ZMYM2: variants seen among roughly 807,000 people sequenced by gnomAD.
ZMYM2 encodes the protein zinc finger MYM-type containing 2.
ZMYM2 carries 56 observed loss-of-function variants against 162.8 expected under a neutral mutation model. The observed-to-expected ratio is 0.34, with a 90% CI of 0.28 to 0.43. The LOEUF is 0.43. Among genes scored for constraint, ZMYM2 ranks in the 20% least tolerant of loss-of-function variants. The pLI, the probability that ZMYM2 is intolerant of heterozygous loss-of-function variation, is 1.00. For missense variants in ZMYM2, 1,275 were observed against 1,621.8 expected (o/e 0.79, Z 3.67); for synonymous variants, 510 against 541.6 (o/e 0.94, Z 0.81).
intron 12 of ZMYM2, among the ~76,000 whole-genome samples, chr13:20,043,954 G>A (rs1954523118): frequency 6.6e-6 from 1 of 152,020 alleles, no homozygotes; most frequent in Non-Finnish European, 1.5e-5. Context: ...CTATGATGGG[G>A]GCTTCTAGGA....
chr13:20,063,792 A>G lies in ZMYM2; in HGVS notation c.3038-659A>G, dbSNP rs1027751013. Among the ~76,000 whole-genome samples, 4 of 12,720 alleles carry G rather than the reference A, an allele frequency of 3.1e-4. No individual in the cohort carries two copies. The South Asian group carries it at 0.011, about 36-fold the overall frequency. 8.3% of individuals were successfully genotyped at this position (12,720 alleles called of 152,430 possible). On this transcript the variant is annotated intron_variant, in intron 18 of 24. Transcript: ENST00000610343. The stretch of plus-strand genomic sequence containing the variant: ...AAACTCTGTCTCAAAAAATATATAT[A>G]TATAAAAAATATATAATATATATAA...
At chr13:20,027,077 A>G in intron 8 of ZMYM2, 126 bp from the exon 9 acceptor site, 2 of 658,820 alleles carry the variant, frequency 3.0e-6, no homozygotes, top group Non-Finnish European at 2.4e-6. Context: ...CATAATCTTC[A>G]GTATTGAAGG....
At chr13:19,882,576 G>C in the ZMYM2 span, among the ~76,000 whole-genome samples, 4 of 152,032 alleles carry the variant, frequency 2.6e-5, no homozygotes, top group Non-Finnish European at 5.9e-5. Context: ...GTGAGACCCA[G>C]TCTCTACCAA....
the ZMYM2 span, among the ~76,000 whole-genome samples, chr13:19,931,235 G>T: frequency 6.6e-6 from 1 of 151,372 alleles, no homozygotes; most frequent in South Asian, 2.1e-4. Context: ...TATTGATTTG[G>T]GCTCTTATTT....
the ZMYM2 span, among the ~76,000 whole-genome samples, chr13:19,924,214 T>C: frequency 6.6e-6 from 1 of 152,192 alleles, no homozygotes; most frequent in African/African-American, 2.4e-5. Flanking sequence ...ACCACTCCAC[T>C]TTCTCTTTCT....
intron 6 of ZMYM2, among the ~76,000 whole-genome samples, chr13:20,013,907 C>T (rs1216368735): frequency 1.3e-5 from 2 of 152,016 alleles, no homozygotes; most frequent in Admixed American, 6.6e-5. Flanking sequence ...ATGTCTTTAT[C>T]TGTCTTTCAA....
At chr13:19,892,261 A>C in the ZMYM2 span, among the ~76,000 whole-genome samples, 1 of 151,298 alleles carries the variant, frequency 6.6e-6, no homozygotes, top group African/African-American at 2.4e-5. Flanking sequence ...TGATTTATTT[A>C]TTTTTATTTA....
intron 12 of ZMYM2, among the ~76,000 whole-genome samples, chr13:20,048,845 T>C (rs1317566578): frequency 4.0e-5 from 6 of 151,762 alleles, no homozygotes; most frequent in African/African-American, 1.4e-4. Context: ...TTTGCTATCC[T>C]TGATTTCACA....
At chr13:19,989,631 A>G (rs1949445539) in intron 2 of ZMYM2, among the ~76,000 whole-genome samples, 3 of 152,208 alleles carry the variant, frequency 2.0e-5, no homozygotes, top group African/African-American at 7.2e-5. Flanking sequence ...AGAATGGAAT[A>G]TCCCTTCAAC....
At chr13:19,954,621 A>G (rs1954476605), upstream of ZMYM2, among the ~76,000 whole-genome samples, 1 of 152,180 alleles carries the variant, frequency 6.6e-6, no homozygotes, top group African/African-American at 2.4e-5. Context: ...ATCATTCAGT[A>G]TAAGCAAATT....
chr13:20,024,181 C>T (rs1039847999), intron 7 of ZMYM2, among the ~76,000 whole-genome samples: 2 of 151,912 alleles, frequency 1.3e-5, no homozygotes, highest in African/African-American at 2.4e-5. Context: ...GATCTGCCCA[C>T]CTCAGCCTCC....
chr13:20,044,256 A>G (rs953810377), intron 12 of ZMYM2, among the ~76,000 whole-genome samples: 6 of 152,136 alleles, frequency 3.9e-5, no homozygotes, highest in South Asian at 2.1e-4. Context: ...TTCCCTGCCA[A>G]CTCAAGTGTC....
chr13:19,952,868 C>T, the ZMYM2 span, among the ~76,000 whole-genome samples: 573 of 152,178 alleles, frequency 3.8e-3, 37 homozygotes, highest in East Asian at 0.093. Flanking sequence ...AATATTTGTC[C>T]CCTCCACAGC....
At chr13:19,966,841 T>A (rs1955834806) in intron 2 of ZMYM2, among the ~76,000 whole-genome samples, 1 of 152,242 alleles carries the variant, frequency 6.6e-6, no homozygotes, top group African/African-American at 2.4e-5. Context: ...ATAACTTTAC[T>A]ATGAATATTG....
chr13:19,911,483 A>G, the ZMYM2 span, among the ~76,000 whole-genome samples: 1 of 152,306 alleles, frequency 6.6e-6, no homozygotes, highest in African/African-American at 2.4e-5. Flanking sequence ...GCTTTCTTTT[A>G]GCCTTTCCCG....
chr13:19,915,466 A>G, the ZMYM2 span, among the ~76,000 whole-genome samples: 1 of 143,688 alleles, frequency 7.0e-6, no homozygotes, highest in Admixed American at 6.9e-5. Flanking sequence ...TCTTACTTTC[A>G]TGATGTTGGT....
At chr13:19,947,062 G>T in the ZMYM2 span, among the ~76,000 whole-genome samples, 1 of 150,736 alleles carries the variant, frequency 6.6e-6, no homozygotes, top group Non-Finnish European at 1.5e-5. Flanking sequence ...TTTATTTTGA[G>T]ACAGAGTCTC....
At chr13:20,019,759 G>A (rs960144432) in intron 7 of ZMYM2, 141 bp downstream of exon 7, 46 of 713,080 alleles carry the variant, frequency 6.5e-5, no homozygotes, top group Middle Eastern at 5.6e-4. Flanking sequence ...AATGATGAAT[G>A]TTTTATCTCT....
At chr13:19,966,646 G>A (rs1024137089) in intron 2 of ZMYM2, among the ~76,000 whole-genome samples, 8 of 151,668 alleles carry the variant, frequency 5.3e-5, no homozygotes, top group African/African-American at 1.9e-4. Flanking sequence ...TCTCCATGTT[G>A]GTCAGCCTGG....
Sources: allele counts gnomAD v4.1 joint callset (sites outside exome capture counted in the v4.1 genomes callset), GRCh38; gene constraint gnomAD v4.1.1; transcripts MANE v1.5; gene names NCBI Gene and HGNC (gene_info 2026-07-23, HGNC 2026-07-21).